The following NAALADL2 variants were observed in gnomAD, a reference collection of about 807,000 sequenced individuals.
NAALADL2 encodes inactive N-acetylated-alpha-linked acidic dipeptidase-like protein 2.
A neutral mutation model predicts 87.2 loss-of-function variants in NAALADL2; 76 were observed. That is an observed-to-expected ratio of 0.87 (90% confidence interval 0.72 to 1.05). The LOEUF is 1.05. Among genes scored for constraint, NAALADL2 ranks in the 50% least tolerant of loss-of-function variants. NAALADL2 has a pLI of 0.00. For missense variants in NAALADL2, 1,089 were observed against 945.8 expected (o/e 1.15, Z -1.99); for synonymous variants, 354 against 331.0 (o/e 1.07, Z -0.75).
chr3:175,143,927 A>G (rs1730388144), intron 2 of NAALADL2, among the ~76,000 whole-genome samples: 1 of 151,968 alleles, frequency 6.6e-6, no homozygotes, highest in Non-Finnish European at 1.5e-5. Flanking sequence ...TATGCAATAC[A>G]TTATTGTAGA....
At chr3:174,842,666 GTAGTTTCAC>G (rs1724155938) in intron 3 of NAALADL2, among the ~76,000 whole-genome samples, 1 of 152,096 alleles carries the variant, frequency 6.6e-6, no homozygotes, top group South Asian at 2.1e-4. Flanking sequence ...ACAATGCTTT[GTAGTTTCAC>G]TAGTTTCACT....
chr3:174,845,762 G>A (rs1280998806), intron 3 of NAALADL2, among the ~76,000 whole-genome samples: 1 of 152,148 alleles, frequency 6.6e-6, no homozygotes, highest in Non-Finnish European at 1.5e-5. Context: ...GGGGGATAGG[G>A]TACCTCATGG....
chr3:175,715,947 C>A (rs183823027), intron 11 of NAALADL2, among the ~76,000 whole-genome samples: 221 of 151,764 alleles, frequency 1.5e-3, no homozygotes, highest in Admixed American at 4.2e-3. Context: ...ACTATCTTTA[C>A]AAATCCTTCA....
chr3:174,756,973 C>CAA (rs1712181427), intron 3 of NAALADL2, among the ~76,000 whole-genome samples: 2 of 152,058 alleles, frequency 1.3e-5, no homozygotes, highest in African/African-American at 4.8e-5. Flanking sequence ...CAAAACAAAA[C>CAA]AAAACCTCAC....
At chr3:175,080,726 T>G (rs952271320) in intron 1 of NAALADL2, among the ~76,000 whole-genome samples, 2 of 152,210 alleles carry the variant, frequency 1.3e-5, no homozygotes, top group African/African-American at 4.8e-5. Flanking sequence ...ACCTTGGAAA[T>G]CCTATATTTA....
At chr3:175,668,784 A>G (rs887367698) in intron 11 of NAALADL2, among the ~76,000 whole-genome samples, 2 of 152,166 alleles carry the variant, frequency 1.3e-5, no homozygotes, top group South Asian at 2.1e-4. Context: ...TCCGTGCGAT[A>G]TAATGAATAA....
intron 1 of NAALADL2, among the ~76,000 whole-genome samples, chr3:175,005,790 A>C (rs1034138377): frequency 1.3e-5 from 2 of 152,130 alleles, no homozygotes; most frequent in Admixed American, 1.3e-4. Flanking sequence ...ACTTTGTTTT[A>C]TTTTAGATTT....
At chr3:175,124,179 T>C (rs1179519322) in intron 2 of NAALADL2, among the ~76,000 whole-genome samples, 1 of 151,978 alleles carries the variant, frequency 6.6e-6, no homozygotes, top group African/African-American at 2.4e-5. Flanking sequence ...ACTGAAGCTA[T>C]TTGGGCATGA....
At chr3:174,536,217 A>G (rs1721709401) in intron 1 of NAALADL2, among the ~76,000 whole-genome samples, 1 of 152,156 alleles carries the variant, frequency 6.6e-6, no homozygotes, top group South Asian at 2.1e-4. Context: ...TGGTCTGAAC[A>G]GCTGACATTT....
At chr3:175,617,525 G>C (rs1263961234) in intron 10 of NAALADL2, among the ~76,000 whole-genome samples, 1 of 152,182 alleles carries the variant, frequency 6.6e-6, no homozygotes, top group African/African-American at 2.4e-5. Flanking sequence ...GCAGTTACCA[G>C]GTGCATCTCA....
At chr3:175,133,823 G>C (rs1480943467) in intron 2 of NAALADL2, among the ~76,000 whole-genome samples, 1 of 152,156 alleles carries the variant, frequency 6.6e-6, no homozygotes, top group African/African-American at 2.4e-5. Context: ...ATAGCTTGTG[G>C]TTAGTGTATA....
rs528968383 is a variant in NAALADL2 at position 175,408,765 on chromosome 3, C to T, written c.1091-38464C>T. ...ATTATCAAAATCCTAAAATGTGCTT[C>T]TATTCTTTTTTTTCTCTTATTTGAA... On this transcript the variant is annotated intron_variant, in intron 5 of 13. Transcript: ENST00000454872. Among the ~76,000 whole-genome samples, 154 of 151,938 alleles carry T rather than the reference C, an allele frequency of 1.0e-3. 1 individual carries two copies. Among genetic ancestry groups the T allele is most frequent in the African/African-American group, 3.4e-3 (143 of 41,524 alleles).
chr3:175,465,253 A>C (rs1463812668), intron 7 of NAALADL2, among the ~76,000 whole-genome samples: 1 of 104,568 alleles, frequency 9.6e-6, no homozygotes, highest in East Asian at 3.1e-4. Context: ...CTCTATCTCA[A>C]AAAAAAAAAA....
chr3:175,421,282 G>A (rs1412929196), intron 5 of NAALADL2, among the ~76,000 whole-genome samples: 1 of 151,986 alleles, frequency 6.6e-6, no homozygotes, highest in African/African-American at 2.4e-5. Flanking sequence ...GGTTCTCGTA[G>A]CATTGTTCAC....
At chr3:175,778,114 A>G (rs1423168369) in intron 13 of NAALADL2, among the ~76,000 whole-genome samples, 1 of 152,132 alleles carries the variant, frequency 6.6e-6, no homozygotes, top group Non-Finnish European at 1.5e-5. Context: ...GAAAACCAAC[A>G]CCTTCCTATC....
intron 10 of NAALADL2, among the ~76,000 whole-genome samples, chr3:175,623,873 TTTTG>T (rs907449257): frequency 4.6e-5 from 7 of 151,962 alleles, no homozygotes; most frequent in South Asian, 2.1e-4. Flanking sequence ...CTTGGCGTTT[TTTTG>T]TTTGTTTGTT....
At chr3:174,649,215 G>A (rs1724112708) in intron 2 of NAALADL2, among the ~76,000 whole-genome samples, 2 of 151,600 alleles carry the variant, frequency 1.3e-5, no homozygotes, top group Non-Finnish European at 2.9e-5. Context: ...CACCTGCCTC[G>A]GCCTCTCAAA....
At chr3:175,589,988 G>T (rs1224869999) in intron 10 of NAALADL2, among the ~76,000 whole-genome samples, 1 of 151,976 alleles carries the variant, frequency 6.6e-6, no homozygotes, top group Non-Finnish European at 1.5e-5. Flanking sequence ...CGAGGCAGGC[G>T]GGTCACGAGG....
At chr3:175,770,175 A>G (rs530830278) in intron 13 of NAALADL2, among the ~76,000 whole-genome samples, 1 of 152,308 alleles carries the variant, frequency 6.6e-6, no homozygotes, top group East Asian at 1.9e-4. Context: ...ATTAATCATC[A>G]CAGAGATCAT....
Sources: allele counts gnomAD v4.1 joint callset (sites outside exome capture counted in the v4.1 genomes callset), GRCh38; gene constraint gnomAD v4.1.1; transcripts MANE v1.5; gene names NCBI Gene and HGNC (gene_info 2026-07-23, HGNC 2026-07-21).